Variants in MME observed in about 807,000 individuals in gnomAD.
MME encodes the protein neprilysin.
In MME, 98 loss-of-function variants were observed where a neutral mutation model predicts 113.2. The ratio of observed to expected loss-of-function variants is 0.87; its 90% CI spans 0.74 to 1.02. The LOEUF is 1.02. Ranked by LOEUF, MME falls within the 50% of genes least tolerant of loss-of-function variation. The probability of loss-of-function intolerance (pLI) is 0.00; values close to 1 mark genes in which losing one functional copy is unlikely to be tolerated. For synonymous variants in MME, 292 were observed against 300.6 expected (o/e 0.97, Z 0.30); for missense variants, 836 against 896.0 (o/e 0.93, Z 0.86).
chr3:155,097,768 C>A (rs1212448078), intron 3 of MME, among the ~76,000 whole-genome samples: 1 of 152,134 alleles, frequency 6.6e-6, no homozygotes, highest in African/African-American at 2.4e-5. Flanking sequence ...AAACAAAAAT[C>A]TCCGCCTGGG....
Position 155,144,325 on chromosome 3 carries a change from A to G in MME, c.1318-34A>G, listed in dbSNP as rs199506757. 159 of 1,348,236 alleles carry G rather than the reference A, an allele frequency of 1.2e-4. 2 individuals are homozygous for G. The South Asian group carries it at 1.5e-3, about 13-fold the overall frequency. The allele number at this position is 1,348,236 out of a possible 1,614,324, so 83.5% of individuals were successfully genotyped here. A position where few individuals can be genotyped will look rare whatever the true frequency, so the allele number is the denominator to read the frequency against. ...AAATCTGTGTTACAAAGAATGAATT[A>G]ATGACCTATATTTGTCTTCTGTTCT... On this transcript the variant is annotated intron_variant, in intron 13 of 22. Coordinates refer to ENST00000360490, the MANE Select transcript of MME (RefSeq NM_007289.4).
intron 1 of MME, among the ~76,000 whole-genome samples, chr3:155,025,411 G>A (rs1712746329): frequency 6.6e-6 from 1 of 151,906 alleles, no homozygotes; most frequent in Non-Finnish European, 1.5e-5. Flanking sequence ...GATCACTTGA[G>A]GTTAGGAATT....
chr3:155,038,911 T>C (rs7643334), intron 1 of MME, among the ~76,000 whole-genome samples: 14,742 of 152,212 alleles, frequency 0.097, 1,179 homozygotes, highest in African/African-American at 0.22. Context: ...AATACAGGTA[T>C]CTCATTTGTT....
In MME at chr3:155,147,787, A is replaced by G. The variant is rs555226541; in HGVS notation, c.1497+563A>G. ...TGCTAACTCTGCAGTCACCACAACT[A>G]CATGATACCCTGATGACAGCGAGGT... On this transcript the variant is annotated intron_variant, in intron 15 of 22. Coordinates refer to ENST00000360490, the MANE Select transcript of MME (RefSeq NM_007289.4). Among the ~76,000 whole-genome samples, 7 of 152,344 alleles carry G rather than the reference A, an allele frequency of 4.6e-5. No homozygotes were observed. The South Asian group carries it at 8.3e-4, about 18-fold the overall frequency.
intron 18 of MME, among the ~76,000 whole-genome samples, chr3:155,168,202 C>T (rs1230200629): frequency 6.6e-6 from 1 of 152,166 alleles, no homozygotes; most frequent in Admixed American, 6.5e-5. Flanking sequence ...AACCATTCAA[C>T]AGAACAAGGC....
intron 1 of MME, among the ~76,000 whole-genome samples, chr3:155,050,047 G>C (rs1371132317): frequency 6.6e-6 from 1 of 151,962 alleles, no homozygotes; most frequent in East Asian, 1.9e-4. Flanking sequence ...ATGTGTTCTG[G>C]TTCTTTAGCT....
chr3:155,153,488 T>A (rs542542217), intron 16 of MME, among the ~76,000 whole-genome samples: 131 of 152,300 alleles, frequency 8.6e-4, no homozygotes, highest in African/African-American at 3.0e-3. Context: ...TTCTAAAATA[T>A]TTACTTCTAG....
Position 155,180,890 on chromosome 3 carries a change from A to C in MME, c.*431A>C, listed in dbSNP as rs1330373254. The stretch of plus-strand genomic sequence containing the variant: ...ACTATAGTTTAAAACACATTGCCTA[A>C]CTACTAGTTTTTACTTTTATTTGCA... On this transcript the variant is annotated 3_prime_UTR_variant, in exon 23 of 23. Coordinates refer to ENST00000360490, the MANE Select transcript of MME (RefSeq NM_007289.4). 5.7e-6 allele frequency: 1 copy of C among 176,574 alleles called. No individual in the cohort carries two copies. The highest frequency in any genetic ancestry group is 1.2e-5 in the Non-Finnish European group (1 of 80,816). The allele number at this position is 176,574 out of a possible 1,614,324, so 10.9% of individuals were successfully genotyped here.
chr3:155,133,062 A>AATATAT (rs1553762420), intron 8 of MME, among the ~76,000 whole-genome samples: 3 of 75,076 alleles, frequency 4.0e-5, no homozygotes, highest in East Asian at 6.4e-4. Context: ...AAAAAAAAAA[A>AATATAT]ATATATATAT....
intron 3 of MME, among the ~76,000 whole-genome samples, chr3:155,106,050 A>C (rs776031499): frequency 1.3e-5 from 2 of 152,232 alleles, no homozygotes; most frequent in Non-Finnish European, 2.9e-5. Context: ...TCACATGTAT[A>C]TATGAAATAT....
chr3:155,092,225 T>C (rs1388938493), intron 3 of MME, among the ~76,000 whole-genome samples: 1 of 152,180 alleles, frequency 6.6e-6, no homozygotes, highest in Non-Finnish European at 1.5e-5. Context: ...CACCCAGAAA[T>C]AATGCTTTAG....
chr3:155,143,568 T>C lies in MME; in HGVS notation c.1314T>C (p.His438=), dbSNP rs1201960953. ...VEAAFAGESK[H]VVEDLIAQIR... ...CAGCATTTGCTGGAGAGAGTAAACATGTGGTAATGTTTTCAGAATAATACA... is the reference window on the plus strand; with the variant it reads ...CAGCATTTGCTGGAGAGAGTAAACACGTGGTAATGTTTTCAGAATAATACA... The change falls in exon 13 of 23, where the codon CAT becomes CAC. Residue 438 remains histidine (H), a synonymous_variant. Transcript: ENST00000360490. 9 of 1,611,736 alleles carry C rather than the reference T, an allele frequency of 5.6e-6. No homozygotes were observed. The highest frequency in any genetic ancestry group is 5.9e-6 in the Non-Finnish European group (7 of 1,178,252).
chr3:155,144,219 G>C (rs964950307), intron 13 of MME, 140 bp from the exon 14 acceptor site: 21 of 685,426 alleles, frequency 3.1e-5, no homozygotes, highest in Non-Finnish European at 4.8e-5. Flanking sequence ...ATATCTGTTA[G>C]CTTAGGTCAC....
intron 8 of MME, among the ~76,000 whole-genome samples, chr3:155,128,241 C>T (rs73012310): frequency 0.018 from 2,768 of 152,208 alleles, 81 homozygotes; most frequent in African/African-American, 0.063. Flanking sequence ...GGGGTGAGAG[C>T]GTGTGTAGTT....
intron 1 of MME, among the ~76,000 whole-genome samples, chr3:155,053,936 C>T (rs1258086726): frequency 6.6e-6 from 1 of 152,178 alleles, no homozygotes; most frequent in African/African-American, 2.4e-5. Context: ...TTGCTTCAAA[C>T]CAGTAACCCT....
chr3:155,090,615 A>T (rs1404843631), intron 3 of MME: 1 of 152,214 alleles, frequency 6.6e-6, no homozygotes, highest in Non-Finnish European at 1.5e-5. Flanking sequence ...ATAATGGAGA[A>T]GGCTCCTTCG....
intron 1 of MME, among the ~76,000 whole-genome samples, chr3:155,030,974 AG>A (rs1712951301): frequency 6.6e-6 from 1 of 152,246 alleles, no homozygotes; most frequent in South Asian, 2.1e-4. Flanking sequence ...GTTCCCTGAT[AG>A]GGAATTCATC....
intron 3 of MME, among the ~76,000 whole-genome samples, chr3:155,087,249 G>C (rs4405870): frequency 0.19 from 22,583 of 120,712 alleles, 1,965 homozygotes; most frequent in Non-Finnish European, 0.23. Context: ...GTGCCCTTTG[G>C]TTTTTTTTTT....
At chr3:155,061,429 C>G (rs1362336264) in intron 1 of MME, among the ~76,000 whole-genome samples, 1 of 128,994 alleles carries the variant, frequency 7.8e-6, no homozygotes, top group African/African-American at 3.0e-5. Context: ...CCAACCTGGG[C>G]GACAGAGCGA....
Sources: gnomAD v4.1 joint callset for allele counts (sites outside exome capture counted in the v4.1 genomes callset) on GRCh38, gnomAD v4.1.1 for gene constraint, MANE v1.5 for transcripts, NCBI Gene and HGNC (gene_info 2026-07-23, HGNC 2026-07-21) for gene names.